The following MACROD2 variants were observed in gnomAD, a reference collection of about 807,000 sequenced individuals.
The protein encoded by MACROD2 is ADP-ribose glycohydrolase MACROD2.
A neutral mutation model predicts 70.4 loss-of-function variants in MACROD2; 36 were observed. The ratio of observed to expected loss-of-function variants is 0.51; its 90% CI spans 0.39 to 0.68. MACROD2 has a LOEUF of 0.68. Among genes scored for constraint, MACROD2 ranks in the 30% least tolerant of loss-of-function variants. The pLI is 0.00. For missense variants in MACROD2, 496 were observed against 538.4 expected, an observed-to-expected ratio of 0.92 and a Z score of 0.78; for synonymous variants, 172 against 178.8, an observed-to-expected ratio of 0.96 and a Z score of 0.30.
intron 5 of MACROD2, among the ~76,000 whole-genome samples, chr20:14,731,633 A>T (rs1411559476): frequency 3.9e-5 from 6 of 152,146 alleles, no homozygotes; most frequent in Admixed American, 3.9e-4. Context: ...TAGTATTTAA[A>T]GTGTGGTGTG....
intron 3 of MACROD2, among the ~76,000 whole-genome samples, chr20:14,303,845 G>A (rs1056325508): frequency 6.6e-6 from 1 of 152,138 alleles, no homozygotes; most frequent in Non-Finnish European, 1.5e-5. Context: ...CTTATTCATA[G>A]TGCACACTGG....
At chr20:14,009,745 T>A (rs1188482387) in intron 2 of MACROD2, among the ~76,000 whole-genome samples, 2 of 152,064 alleles carry the variant, frequency 1.3e-5, no homozygotes, top group African/African-American at 2.4e-5. Context: ...ATAGACTGGA[T>A]AAAGAAAATG....
rs71190130 is a variant in MACROD2, at chr20:14,346,093, C to CAAAA, written c.272-147358_272-147355dup. 2.9e-3 allele frequency among the ~76,000 whole-genome samples: 118 copies of CAAAA among 41,186 alleles called. 3 individuals are homozygous for CAAAA. The highest frequency in any genetic ancestry group is 3.3e-3 in the Non-Finnish European group (84 of 25,710). The allele number at this position is 41,186 out of a possible 152,430, so 27.0% of individuals were successfully genotyped here. On this transcript the variant is annotated intron_variant, in intron 3 of 17. Transcript: ENST00000684519. ...TGGGTGACAGAGTGAGATTCTGCCTCAAAAAAAAAAAAAAAAAAAAAAAAA... is the reference window on the plus strand; with the variant it reads ...TGGGTGACAGAGTGAGATTCTGCCTCAAAAAAAAAAAAAAAAAAAAAAAAAAAAA...
At chr20:15,435,894 T>C (rs1480560008) in intron 7 of MACROD2, among the ~76,000 whole-genome samples, 1 of 152,152 alleles carries the variant, frequency 6.6e-6, no homozygotes, top group Admixed American at 6.6e-5. Context: ...TGGAGGGCTG[T>C]CACCAGGCAA....
intron 4 of MACROD2, among the ~76,000 whole-genome samples, chr20:14,534,206 T>G (rs1600352254): frequency 6.6e-6 from 1 of 152,288 alleles, no homozygotes; most frequent in East Asian, 1.9e-4. Context: ...GAGCGTTGCT[T>G]TATCTGGAAG....
intron 3 of MACROD2, among the ~76,000 whole-genome samples, chr20:14,178,966 A>T (rs1305898630): frequency 6.6e-6 from 1 of 152,148 alleles, no homozygotes; most frequent in Non-Finnish European, 1.5e-5. Context: ...ATCCCAGAAC[A>T]TCATTTCCTC....
intron 9 of MACROD2, among the ~76,000 whole-genome samples, chr20:15,871,486 G>A (rs6034314): frequency 0.89 from 135,068 of 152,192 alleles, 61,316 homozygotes; most frequent in Non-Finnish European, 0.99. Context: ...TACATTGAAG[G>A]TACTGTTCTT....
At chr20:14,855,597 GTTT>G (rs71190156) in intron 5 of MACROD2, among the ~76,000 whole-genome samples, 35 of 77,234 alleles carry the variant, frequency 4.5e-4, no homozygotes, top group African/African-American at 1.6e-3. Context: ...ATCCTACCAA[GTTT>G]TTTTTTTTTT....
intron 3 of MACROD2, among the ~76,000 whole-genome samples, chr20:14,425,565 A>G (rs1161911113): frequency 1.3e-5 from 2 of 152,216 alleles, no homozygotes; most frequent in Non-Finnish European, 2.9e-5. Flanking sequence ...AATTCAAACC[A>G]AACATTTAAT....
intron 5 of MACROD2, among the ~76,000 whole-genome samples, chr20:14,920,843 G>C (rs1046171538): frequency 6.6e-6 from 1 of 152,142 alleles, no homozygotes; most frequent in Admixed American, 6.6e-5. Flanking sequence ...TTCATTTATG[G>C]TAGAATATTT....
chr20:14,397,232 A>T (rs542641749), intron 3 of MACROD2, among the ~76,000 whole-genome samples: 1 of 152,150 alleles, frequency 6.6e-6, no homozygotes, highest in South Asian at 2.1e-4. Flanking sequence ...TGACCTAGTG[A>T]TCTGCCTGCC....
chr20:14,274,274 G>A (rs1346560794), intron 3 of MACROD2, among the ~76,000 whole-genome samples: 34 of 152,272 alleles, frequency 2.2e-4, no homozygotes, highest in Non-Finnish European at 3.8e-4. Context: ...GAATCCAGCA[G>A]CACATCAAAA....
chr20:14,568,946 A>G (rs529037692), intron 4 of MACROD2, among the ~76,000 whole-genome samples: 1 of 152,154 alleles, frequency 6.6e-6, no homozygotes, highest in East Asian at 1.9e-4. Context: ...AAGGTTACCA[A>G]ACCATGAGGG....
chr20:14,696,886 G>T (rs1333177577), intron 5 of MACROD2, among the ~76,000 whole-genome samples: 1 of 152,122 alleles, frequency 6.6e-6, no homozygotes, highest in African/African-American at 2.4e-5. Flanking sequence ...TACTGGGCTG[G>T]TTGAGTTTGT....
chr20:14,624,254 A>G (rs919271099), intron 4 of MACROD2, among the ~76,000 whole-genome samples: 8 of 152,188 alleles, frequency 5.3e-5, no homozygotes, highest in African/African-American at 1.9e-4. Context: ...GCAATTAAGC[A>G]GTGAGACACG....
chr20:14,721,393 T>C (rs2071468162), intron 5 of MACROD2, among the ~76,000 whole-genome samples: 1 of 152,094 alleles, frequency 6.6e-6, no homozygotes, highest in South Asian at 2.1e-4. Context: ...CGAGATACTG[T>C]CTCAAAAACA....
At chr20:14,934,828 GT>G (rs2074326814) in intron 5 of MACROD2, 2 of 152,090 alleles carry the variant, frequency 1.3e-5, no homozygotes, top group South Asian at 4.2e-4. Flanking sequence ...AAAAGAAAAG[GT>G]TTAACAAAGG....
At position 14,327,688 on chromosome 20, in the gene MACROD2, G is replaced by A. The variant is rs1381592652; in HGVS notation, c.272-165791G>A. ...ATATTTTCATTTGTTTTGGGAGGGG[G>A]CATAATAGGGTTTATTGCTAGCTAA... is the stretch of plus-strand genomic sequence containing the variant. On this transcript the variant is annotated intron_variant, in intron 3 of 17. Coordinates refer to ENST00000684519, the MANE Select transcript of MACROD2 (RefSeq NM_001351661.2). 6.1e-5 allele frequency: 39 copies of A among 635,198 alleles called. No homozygotes were observed. The East Asian group carries it at 9.4e-4, about 15-fold the overall frequency. The allele number at this position is 635,198 out of a possible 1,614,324, so 39.3% of individuals were successfully genotyped here. A position where few individuals can be genotyped will look rare whatever the true frequency, so the allele number is the denominator to read the frequency against.
chr20:14,416,166 C>T (rs1011339675), intron 3 of MACROD2, among the ~76,000 whole-genome samples: 1 of 152,068 alleles, frequency 6.6e-6, no homozygotes, highest in Non-Finnish European at 1.5e-5. Context: ...ACCATGTTGG[C>T]CAGGATGGTC....
Sources: allele counts gnomAD v4.1 joint callset (sites outside exome capture counted in the v4.1 genomes callset), GRCh38; gene constraint gnomAD v4.1.1; transcripts MANE v1.5; gene names NCBI Gene and HGNC (gene_info 2026-07-23, HGNC 2026-07-21).